FGF14: variants seen among roughly 807,000 people sequenced by gnomAD.
FGF14 encodes the protein fibroblast growth factor homologous factor 4.
FGF14 carries 5 observed loss-of-function variants against 25.5 expected under a neutral mutation model. The ratio of observed to expected loss-of-function variants is 0.20; its 90% CI spans 0.10 to 0.41. FGF14 has a LOEUF of 0.41. Among genes scored for constraint, FGF14 ranks in the 10% least tolerant of loss-of-function variants. The pLI is 1.00. For missense variants in FGF14, 222 were observed against 320.1 expected, an observed-to-expected ratio of 0.69 and a Z score of 2.34; for synonymous variants, 138 against 118.3, an observed-to-expected ratio of 1.17 and a Z score of -1.08.
chr13:102,294,487 A>G (rs1042499084), intron 1 of FGF14, among the ~76,000 whole-genome samples: 1 of 152,038 alleles, frequency 6.6e-6, no homozygotes, highest in African/African-American at 2.4e-5. Flanking sequence ...AATTTATTTA[A>G]TATCAGCAGG....
chr13:102,032,641 G>A (rs78430841), intron 1 of FGF14, among the ~76,000 whole-genome samples: 6,861 of 152,136 alleles, frequency 0.045, 498 homozygotes, highest in African/African-American at 0.16. Flanking sequence ...TGCACTATGT[G>A]GGCCACCCAC....
At chr13:102,029,790 G>A (rs766516680) in intron 1 of FGF14, among the ~76,000 whole-genome samples, 7 of 152,056 alleles carry the variant, frequency 4.6e-5, no homozygotes, top group Non-Finnish European at 7.4e-5. Flanking sequence ...TTTTCTTTGG[G>A]AGACCAGAAT....
chr13:102,278,131 C>A (rs531408240), intron 1 of FGF14, among the ~76,000 whole-genome samples: 5 of 152,276 alleles, frequency 3.3e-5, no homozygotes, highest in African/African-American at 1.2e-4. Flanking sequence ...AATGAAATAA[C>A]ACAAAATGTA....
chr13:102,337,248 C>T (rs2056814423), intron 1 of FGF14, among the ~76,000 whole-genome samples: 1 of 152,156 alleles, frequency 6.6e-6, no homozygotes, highest in Non-Finnish European at 1.5e-5. Flanking sequence ...AAGATGTCCA[C>T]ATTAACTGCA....
At chr13:101,942,793 A>G (rs1257351163) in intron 1 of FGF14, among the ~76,000 whole-genome samples, 1 of 152,208 alleles carries the variant, frequency 6.6e-6, no homozygotes, top group African/African-American at 2.4e-5. Context: ...CTAGAGCTAA[A>G]AGCCTTTGCT....
Position 102,165,918 on chromosome 13 carries a change from T to TA in FGF14, c.208+235552dup, listed in dbSNP as rs564718246. On this transcript the variant is annotated intron_variant, in intron 1 of 4. Coordinates refer to the FGF14 transcript ENST00000376131. ...TTATAAGTATGGTTTTCTTTTCCTTTAAAAAAAAAATGTGATTACAGGTAA... is the reference window on the plus strand; with the variant it reads ...TTATAAGTATGGTTTTCTTTTCCTTTAAAAAAAAAAATGTGATTACAGGTAA... Among the ~76,000 whole-genome samples, 441 of 148,562 alleles carry TA rather than the reference T, an allele frequency of 3.0e-3. 2 individuals carry two copies. Among genetic ancestry groups the TA allele is most frequent in the East Asian group, 0.014 (69 of 5,080 alleles).
At chr13:102,005,634 T>A (rs1481871666) in intron 1 of FGF14, among the ~76,000 whole-genome samples, 1 of 152,176 alleles carries the variant, frequency 6.6e-6, no homozygotes, top group Non-Finnish European at 1.5e-5. Flanking sequence ...AGATGACACG[T>A]TTTTAAAGGC....
rs143395302 is a variant in FGF14, at chr13:102,020,345, T to C, written c.209-145049A>G. Among the ~76,000 whole-genome samples, 35 of 152,040 alleles carry C rather than the reference T, an allele frequency of 2.3e-4. No homozygotes were observed. In the South Asian group the frequency reaches 2.5e-3, roughly 11 times the overall value. Reference sequence around the variant, plus strand: ...GGGCAGATCACCTAAGGTCAGGAGTTTGAGACCAGCCTGACCAACATGGTG... The same window carrying C: ...GGGCAGATCACCTAAGGTCAGGAGTCTGAGACCAGCCTGACCAACATGGTG... On this transcript the variant is annotated intron_variant, in intron 1 of 4. Coordinates refer to the FGF14 transcript ENST00000376131.
intron 1 of FGF14, among the ~76,000 whole-genome samples, chr13:101,901,682 G>A (rs2031572579): frequency 1.3e-5 from 2 of 151,814 alleles, no homozygotes; most frequent in Admixed American, 1.3e-4. Context: ...CCAGCCTGGG[G>A]GACAGAGCAA....
At chr13:102,295,123 C>A (rs2054632500) in intron 1 of FGF14, among the ~76,000 whole-genome samples, 1 of 152,144 alleles carries the variant, frequency 6.6e-6, no homozygotes, top group Non-Finnish European at 1.5e-5. Context: ...CCATAAAAAT[C>A]ATGTTGTCCA....
intron 3 of FGF14, among the ~76,000 whole-genome samples, chr13:101,787,437 T>G (rs1265688323): frequency 6.6e-6 from 1 of 152,210 alleles, no homozygotes; most frequent in Non-Finnish European, 1.5e-5. Context: ...CCACTTACCT[T>G]TATTAGAGTG....
chr13:102,069,432 C>A (rs997426416), intron 1 of FGF14, among the ~76,000 whole-genome samples: 1 of 152,300 alleles, frequency 6.6e-6, no homozygotes, highest in Non-Finnish European at 1.5e-5. Flanking sequence ...GCAACCCGCT[C>A]GGGTCCCCTT....
intron 1 of FGF14, among the ~76,000 whole-genome samples, chr13:102,387,609 G>A (rs1365067549): frequency 1.3e-5 from 2 of 152,082 alleles, no homozygotes; most frequent in South Asian, 2.1e-4. Flanking sequence ...GTTCAGGGGT[G>A]CATGTGCAGG....
intron 3 of FGF14, among the ~76,000 whole-genome samples, chr13:101,827,412 C>A (rs2042440984): frequency 6.6e-6 from 1 of 151,696 alleles, no homozygotes; most frequent in Non-Finnish European, 1.5e-5. Flanking sequence ...GTTTGGTATT[C>A]CAAAATAAAT....
intron 1 of FGF14, among the ~76,000 whole-genome samples, chr13:102,192,012 A>T (rs1208445527): frequency 6.6e-6 from 1 of 152,198 alleles, no homozygotes; most frequent in Non-Finnish European, 1.5e-5. Context: ...AATGCCATTT[A>T]TTCTAGACCT....
chr13:101,781,922 CTTTCATT>C (rs2039514135), intron 3 of FGF14, among the ~76,000 whole-genome samples: 1 of 152,170 alleles, frequency 6.6e-6, no homozygotes, highest in Non-Finnish European at 1.5e-5. Flanking sequence ...GCCTACTATG[CTTTCATT>C]TTTCTCTGGC....
intron 1 of FGF14, among the ~76,000 whole-genome samples, chr13:102,372,125 T>C (rs1010670118): frequency 1.3e-5 from 2 of 152,176 alleles, no homozygotes; most frequent in Non-Finnish European, 2.9e-5. Flanking sequence ...ATGCTATAAT[T>C]TAGTCTTTTC....
Position 101,719,252 on chromosome 13 carries a change from T to TAAC in FGF14, c.*3576_*3578dup, listed in dbSNP as rs1281907016. 2.0e-5 allele frequency: 3 copies of TAAC among 152,086 alleles called. No individual in the cohort carries two copies. Among genetic ancestry groups the TAAC allele is most frequent in the South Asian group, 2.1e-4 (1 of 4,830 alleles). 9.4% of individuals were successfully genotyped at this position (152,086 alleles called of 1,614,324 possible). A position where few individuals can be genotyped will look rare whatever the true frequency, so the allele number is the denominator to read the frequency against. ...CTGATATTGTTCATCCTGATAAAAA[T>TAAC]AACAACTTTTAGTGCTTAAAGCATT... On this transcript the variant is annotated 3_prime_UTR_variant, in exon 5 of 5. Coordinates refer to ENST00000376143, the MANE Select transcript of FGF14 (RefSeq NM_004115.4).
chr13:102,060,809 C>T (rs542589285), intron 1 of FGF14, among the ~76,000 whole-genome samples: 1 of 152,234 alleles, frequency 6.6e-6, no homozygotes, highest in African/African-American at 2.4e-5. Context: ...CCCCTGTTTT[C>T]GTGCCCAAAT....
Sources: gnomAD v4.1 joint callset for allele counts (sites outside exome capture counted in the v4.1 genomes callset) on GRCh38, gnomAD v4.1.1 for gene constraint, MANE v1.5 for transcripts, NCBI Gene and HGNC (gene_info 2026-07-23, HGNC 2026-07-21) for gene names.